The following SLIT3 variants were observed in gnomAD, a reference collection of about 807,000 sequenced individuals.
The protein encoded by SLIT3 is slit guidance ligand 3.
In SLIT3, 68 loss-of-function variants were observed where a neutral mutation model predicts 184.0. The observed-to-expected ratio is 0.37, with a 90% CI of 0.30 to 0.45. The LOEUF (loss-of-function observed/expected upper bound fraction) is 0.45, where lower values mean the gene tolerates loss of function less well. Among genes scored for constraint, SLIT3 ranks in the 20% least tolerant of loss-of-function variants. The pLI, the probability that SLIT3 is intolerant of heterozygous loss-of-function variation, is 1.00. For missense variants in SLIT3, 1,707 were observed against 2,026.0 expected, an observed-to-expected ratio of 0.84 and a Z score of 3.02; for synonymous variants, 831 against 828.6, an observed-to-expected ratio of 1.00 and a Z score of -0.05.
At chr5:168,698,672 C>A (rs948898820) in intron 27 of SLIT3, among the ~76,000 whole-genome samples, 1 of 152,094 alleles carries the variant, frequency 6.6e-6, no homozygotes, top group Non-Finnish European at 1.5e-5. Flanking sequence ...AAGAGGGGAG[C>A]AAAGGGGAGC....
intron 5 of SLIT3, among the ~76,000 whole-genome samples, chr5:168,857,373 TTTTTGTTTTGTTTTG>T (rs71593196): frequency 3.3e-5 from 5 of 150,934 alleles, no homozygotes; most frequent in East Asian, 3.9e-4. Flanking sequence ...AGAGTTTTTG[TTTTTGTTTTGTTTTG>T]TTTTGTTTTG....
chr5:168,710,876 G>A lies in SLIT3; in HGVS notation c.2719+19C>T. 1 of 1,493,542 alleles carries A rather than the reference G, an allele frequency of 6.7e-7. No homozygotes were observed. Among genetic ancestry groups the A allele is most frequent in the Non-Finnish European group, 9.0e-7 (1 of 1,112,118 alleles). 92.5% of individuals were successfully genotyped at this position (1,493,542 alleles called of 1,614,324 possible). A position where few individuals can be genotyped will look rare whatever the true frequency, so the allele number is the denominator to read the frequency against. On this transcript the variant is annotated intron_variant, in intron 25 of 35. Transcript: ENST00000519560. ...ACCCCAAGAGGGGCAGGGGAGGGTG[G>A]GGTGTGGGCGTCACCTACCTTTGCA...
At chr5:168,694,889 G>T (rs889033000) in intron 28 of SLIT3, among the ~76,000 whole-genome samples, 1 of 152,234 alleles carries the variant, frequency 6.6e-6, no homozygotes, top group African/African-American at 2.4e-5. Context: ...AAAGTGCTGG[G>T]ATTACAGGCG....
At chr5:169,247,965 C>G (rs1383632188) in intron 2 of SLIT3, among the ~76,000 whole-genome samples, 1 of 152,174 alleles carries the variant, frequency 6.6e-6, no homozygotes. Flanking sequence ...GGATTCCTGT[C>G]AGGTTCAGCC....
chr5:168,876,502 C>T (rs1355599277), intron 5 of SLIT3, among the ~76,000 whole-genome samples: 1 of 152,210 alleles, frequency 6.6e-6, no homozygotes, highest in East Asian at 1.9e-4. Flanking sequence ...AGCCACAAAT[C>T]TCTCACGAGC....
intron 4 of SLIT3, among the ~76,000 whole-genome samples, chr5:169,174,763 G>A (rs1349513322): frequency 6.6e-6 from 1 of 151,830 alleles, no homozygotes; most frequent in African/African-American, 2.4e-5. Context: ...CTTTCCCAGT[G>A]TGATCAAAAG....
chr5:169,153,709 T>C (rs1439567828), intron 4 of SLIT3, among the ~76,000 whole-genome samples: 1 of 152,268 alleles, frequency 6.6e-6, no homozygotes. Context: ...TGTTGGGATT[T>C]CTGCCTTGCA....
At chr5:169,002,322 CAAAAAAAAAAAAAAAAAA>C (rs397999882) in intron 4 of SLIT3, among the ~76,000 whole-genome samples, 5 of 24,198 alleles carry the variant, frequency 2.1e-4, no homozygotes, top group East Asian at 1.6e-3. Flanking sequence ...GACTCTGTCT[CAAAAAAAAAAAAAAAAAA>C]AAAAAAAAAA....
intron 4 of SLIT3, among the ~76,000 whole-genome samples, chr5:168,929,602 C>T (rs964181346): frequency 6.6e-6 from 1 of 152,196 alleles, no homozygotes; most frequent in Admixed American, 6.5e-5. Flanking sequence ...GGAAATGAGA[C>T]TTCTTGGAAT....
At chr5:169,087,212 T>A (rs1314808794) in intron 4 of SLIT3, among the ~76,000 whole-genome samples, 1 of 152,290 alleles carries the variant, frequency 6.6e-6, no homozygotes, top group South Asian at 2.1e-4. Context: ...TAGGGAGGCA[T>A]CCTGCAGGGG....
At chr5:168,940,358 G>A (rs934721738) in intron 4 of SLIT3, among the ~76,000 whole-genome samples, 2 of 152,110 alleles carry the variant, frequency 1.3e-5, no homozygotes, top group African/African-American at 4.8e-5. Flanking sequence ...GAGAAAGAAG[G>A]TGATTCCCCA....
chr5:169,158,385 C>T (rs1434676781), intron 4 of SLIT3, among the ~76,000 whole-genome samples: 1 of 151,732 alleles, frequency 6.6e-6, no homozygotes, highest in Non-Finnish European at 1.5e-5. Context: ...CCAAAAATAT[C>T]CTTTGGAATG....
intron 4 of SLIT3, among the ~76,000 whole-genome samples, chr5:168,987,472 GTACT>G (rs1289022081): frequency 9.2e-5 from 14 of 152,324 alleles, no homozygotes; most frequent in Admixed American, 9.2e-4. Flanking sequence ...CCTTAAAAAT[GTACT>G]TAACCTCTGA....
chr5:169,062,873 C>T (rs1758224695), intron 4 of SLIT3, among the ~76,000 whole-genome samples: 1 of 152,166 alleles, frequency 6.6e-6, no homozygotes, highest in Admixed American at 6.5e-5. Flanking sequence ...AAGAAAAAGA[C>T]CTTTAACCAA....
chr5:168,915,965 G>T (rs1163285534), intron 4 of SLIT3, among the ~76,000 whole-genome samples: 3 of 152,166 alleles, frequency 2.0e-5, no homozygotes, highest in Non-Finnish European at 2.9e-5. Flanking sequence ...TAGTGTTATG[G>T]TTTTCTTTTT....
intron 5 of SLIT3, among the ~76,000 whole-genome samples, chr5:168,845,361 C>A (rs1436124379): frequency 6.6e-6 from 1 of 152,154 alleles, no homozygotes; most frequent in Non-Finnish European, 1.5e-5. Context: ...CACCAGCCAT[C>A]ATCAACATTA....
intron 4 of SLIT3, among the ~76,000 whole-genome samples, chr5:168,938,654 G>A (rs935769300): frequency 2.6e-5 from 4 of 151,460 alleles, no homozygotes; most frequent in Admixed American, 6.6e-5. Flanking sequence ...TTTTTGAGAC[G>A]GAGTCTCACT....
At chr5:168,712,520 T>C (rs763005720) in intron 23 of SLIT3, 166 bp from the exon 24 acceptor site, 8 of 628,936 alleles carry the variant, frequency 1.3e-5, no homozygotes, top group Non-Finnish European at 2.3e-5. Flanking sequence ...GAATGTTCTA[T>C]GCCCAGCTCA....
chr5:168,922,455 T>G (rs1044051554), intron 4 of SLIT3, among the ~76,000 whole-genome samples: 10 of 33,552 alleles, frequency 3.0e-4, no homozygotes, highest in African/African-American at 1.1e-3. Context: ...AGACTCTGTC[T>G]CAAAAAAAAA....
Sources: allele counts gnomAD v4.1 joint callset (sites outside exome capture counted in the v4.1 genomes callset), GRCh38; gene constraint gnomAD v4.1.1; transcripts MANE v1.5; gene names NCBI Gene and HGNC (gene_info 2026-07-23, HGNC 2026-07-21).